ANK1: variants seen among roughly 807,000 people sequenced by gnomAD.
ANK1 encodes the protein ankyrin 1.
ANK1 carries 51 observed loss-of-function variants against 210.4 expected under a neutral mutation model. That is an observed-to-expected ratio of 0.24 (90% CI 0.19 to 0.31). ANK1 has a LOEUF of 0.31. Ranked by LOEUF, ANK1 falls within the 10% of genes least tolerant of loss-of-function variation. The pLI, the probability that ANK1 is intolerant of heterozygous loss-of-function variation, is 1.00. For synonymous variants in ANK1, 967 were observed against 1,025.9 expected, an observed-to-expected ratio of 0.94 and a Z score of 1.10; for missense variants, 2,051 against 2,504.4, an observed-to-expected ratio of 0.82 and a Z score of 3.86.
At chr8:41,836,470 G>A (rs901403683) in intron 1 of ANK1, among the ~76,000 whole-genome samples, 2 of 152,248 alleles carry the variant, frequency 1.3e-5, no homozygotes, top group African/African-American at 4.8e-5. Flanking sequence ...GCCGTGCTGG[G>A]CCCTTCCTTG....
intron 1 of ANK1, among the ~76,000 whole-genome samples, chr8:41,874,176 C>T (rs1816121262): frequency 6.6e-6 from 1 of 152,204 alleles, no homozygotes; most frequent in Non-Finnish European, 1.5e-5. Context: ...AGGGCAGCCG[C>T]ACTTAGGGAT....
At chr8:41,738,577 T>G (rs1451523173) in intron 2 of ANK1, among the ~76,000 whole-genome samples, 1 of 152,252 alleles carries the variant, frequency 6.6e-6, no homozygotes, top group African/African-American at 2.4e-5. Flanking sequence ...CCTTTTTCTT[T>G]AAGCAGATTT....
chr8:41,688,226 A>G lies in ANK1; in HGVS notation c.4188T>C (p.Ser1396=), dbSNP rs781095465. Residue 1396 remains serine, a synonymous_variant, in exon 35 of 43, where the codon TCT becomes TCC. Coordinates refer to ENST00000289734, the MANE Select transcript of ANK1 (RefSeq NM_000037.4). ...TCTCTGCCTGCTCTGTCCCACTGAG[A>G]GAACCTGGGGAGAAGCATTAGATTT... ...YSILSESTPG[S]LSGTEQAEMK... The G allele has an allele frequency of 6.2e-6, 10 of 1,614,072 alleles. No individual in the cohort carries two copies. The highest frequency in any genetic ancestry group is 1.7e-5 in the Admixed American group (1 of 60,012).
intron 37 of ANK1, among the ~76,000 whole-genome samples, chr8:41,677,594 GTT>G (rs56330906): frequency 1.4e-5 from 2 of 144,344 alleles, no homozygotes; most frequent in Admixed American, 6.9e-5. Context: ...CTTTTTCTTT[GTT>G]TTTTTTTTTT....
rs553495975 is a variant in ANK1, at chr8:41,719,616, C to A, written c.1107+45G>T. On this transcript the variant is annotated intron_variant, in intron 10 of 42. Transcript: ENST00000289734. ...CATGCCTCTCTGCTCCTGCCCCCAG[C>A]CTGCCCTGCCACTCTGCACCTTCTC... 17 of 1,612,596 alleles carry A rather than the reference C, an allele frequency of 1.1e-5. No homozygotes were observed. The East Asian group carries it at 3.6e-4, about 34-fold the overall frequency.
chr8:41,781,059 A>G (rs1269464054), intron 1 of ANK1, among the ~76,000 whole-genome samples: 2 of 152,228 alleles, frequency 1.3e-5, no homozygotes, highest in Non-Finnish European at 2.9e-5. Flanking sequence ...AGTGCTAAAG[A>G]GAAACGTCTC....
At chr8:41,670,741 G>T (rs1334368733) in intron 38 of ANK1, among the ~76,000 whole-genome samples, 1 of 152,172 alleles carries the variant, frequency 6.6e-6, no homozygotes, top group Non-Finnish European at 1.5e-5. Context: ...GGACTGAGGG[G>T]TCACACAGGT....
At chr8:41,671,274 G>T (rs557811595) in intron 38 of ANK1, among the ~76,000 whole-genome samples, 1 of 152,188 alleles carries the variant, frequency 6.6e-6, no homozygotes, top group Non-Finnish European at 1.5e-5. Flanking sequence ...TCCTTCAAAG[G>T]GGGTAAGTGG....
At chr8:41,681,462 C>A (rs1815994791) in intron 37 of ANK1, among the ~76,000 whole-genome samples, 1 of 152,236 alleles carries the variant, frequency 6.6e-6, no homozygotes, top group East Asian at 1.9e-4. Context: ...CCAATTAAGG[C>A]ACTGGTGGTG....
chr8:41,803,095 A>AAGGG (rs1563811383), intron 1 of ANK1, among the ~76,000 whole-genome samples: 3 of 50,932 alleles, frequency 5.9e-5, no homozygotes, highest in African/African-American at 2.5e-4. Flanking sequence ...GAAGGAAAGG[A>AAGGG]AAGGAAAGGA....
chr8:41,730,236 G>A (rs2150667017), intron 3 of ANK1, among the ~76,000 whole-genome samples: 1 of 152,306 alleles, frequency 6.6e-6, no homozygotes. Flanking sequence ...GGTCAGGGAG[G>A]CAGCCCCATG....
intron 38 of ANK1, among the ~76,000 whole-genome samples, chr8:41,669,661 CTCTTCCTCT>C: frequency 6.6e-6 from 1 of 152,200 alleles, no homozygotes; most frequent in South Asian, 2.1e-4. Context: ...CTTGACCCCT[CTCTTCCTCT>C]CTTACCCCAC....
At chr8:41,695,594 C>T (rs576320396) in intron 26 of ANK1, among the ~76,000 whole-genome samples, 3 of 152,368 alleles carry the variant, frequency 2.0e-5, no homozygotes, top group South Asian at 4.1e-4. Flanking sequence ...TCTGCTCCTA[C>T]GACCTAAAGA....
chr8:41,851,496 G>A (rs904470469), intron 1 of ANK1, among the ~76,000 whole-genome samples: 2 of 152,206 alleles, frequency 1.3e-5, no homozygotes, highest in African/African-American at 4.8e-5. Flanking sequence ...CCTGCCTGCT[G>A]GGCCTCACTT....
intron 17 of ANK1, among the ~76,000 whole-genome samples, chr8:41,706,923 A>C (rs375346531): frequency 6.6e-6 from 1 of 152,240 alleles, no homozygotes; most frequent in African/African-American, 2.4e-5. Context: ...ACATGGTGAG[A>C]CCTCCATCTT....
At chr8:41,825,110 T>C (rs1805140108) in intron 1 of ANK1, among the ~76,000 whole-genome samples, 2 of 152,222 alleles carry the variant, frequency 1.3e-5, no homozygotes, top group Admixed American at 1.3e-4. Flanking sequence ...GCCCGGCTAC[T>C]TCCAGGTGGA....
chr8:41,704,340 C>T lies in ANK1; in HGVS notation c.2196+34G>A. On this transcript the variant is annotated intron_variant, in intron 19 of 42. Transcript: ENST00000289734. This position sits in a 1 kb window ranked among gnomAD's most constrained non-coding sequence, Gnocchi z 4.1. The stretch of plus-strand genomic sequence containing the variant: ...ACCCTGATGTGGCATGGAGAAGGGT[C>T]AGTGCAGGAGTCGGGGCTGGGGCAC... 2 of 1,584,790 alleles carry T rather than the reference C, an allele frequency of 1.3e-6. No individual in the cohort carries two copies. Among genetic ancestry groups the T allele is most frequent in the Non-Finnish European group, 1.7e-6 (2 of 1,153,570 alleles).
chr8:41,795,287 T>C (rs1848548483), intron 1 of ANK1, among the ~76,000 whole-genome samples: 1 of 151,760 alleles, frequency 6.6e-6, no homozygotes, highest in African/African-American at 2.4e-5. Context: ...CTGAAGCGGG[T>C]GGATCACCTG....
chr8:41,667,792 T>C (rs1811032273), intron 39 of ANK1, among the ~76,000 whole-genome samples: 1 of 152,120 alleles, frequency 6.6e-6, no homozygotes, highest in Middle Eastern at 3.2e-3. Flanking sequence ...CCAAGTAACT[T>C]TGGCGACATT....
Sources: gnomAD v4.1 joint callset for allele counts (sites outside exome capture counted in the v4.1 genomes callset) on GRCh38, gnomAD v4.1.1 for gene constraint, Gnocchi (gnomAD v3.1) non-coding constraint, MANE v1.5 for transcripts, NCBI Gene and HGNC (gene_info 2026-07-23, HGNC 2026-07-21) for gene names.